The following TEX11 variants were observed in gnomAD, a reference collection of about 807,000 sequenced individuals.
TEX11 encodes the protein testis-expressed protein 11.
TEX11 carries 7 observed loss-of-function variants against 84.4 expected under a neutral mutation model. That is an observed-to-expected ratio of 0.08 (90% CI 0.05 to 0.16). The LOEUF is 0.16. Among genes scored for constraint, TEX11 ranks in the 10% least tolerant of loss-of-function variants. The pLI is 1.00. For missense variants in TEX11, 551 were observed against 660.5 expected (o/e 0.83, Z 1.82); for synonymous variants, 264 against 222.8 (o/e 1.18, Z -1.64).
chrX:70,598,425 T>C (rs2089039508), intron 24 of TEX11, among the ~76,000 whole-genome samples: 1 of 111,628 alleles, frequency 9.0e-6, no homozygotes. Context: ...GAATGTAAAA[T>C]GGTGCAGGTG....
chrX:70,824,372 T>G (rs2147824575), intron 8 of TEX11, among the ~76,000 whole-genome samples: 1 of 112,331 alleles, frequency 8.9e-6, no homozygotes, highest in African/African-American at 3.2e-5. Context: ...TTTTGGTTTT[T>G]ATTTCATCTT....
At chrX:70,572,436 A>G (rs2088613297) in intron 25 of TEX11, among the ~76,000 whole-genome samples, 1 of 111,668 alleles carries the variant, frequency 9.0e-6, no homozygotes, top group Non-Finnish European at 1.9e-5. Context: ...TGTGGAAGTC[A>G]GTGTGGCGAT....
At chrX:70,695,899 T>C (rs2090275854) in intron 13 of TEX11, among the ~76,000 whole-genome samples, 1 of 112,016 alleles carries the variant, frequency 8.9e-6, no homozygotes, top group East Asian at 2.8e-4. Flanking sequence ...ATTGTGAGAA[T>C]TCACTATGTA....
intron 20 of TEX11, among the ~76,000 whole-genome samples, chrX:70,613,053 C>T (rs751189359): frequency 8.9e-6 from 1 of 111,903 alleles, no homozygotes; most frequent in Admixed American, 9.5e-5. Context: ...GAAAATCCCA[C>T]TAACCCAGAA....
At chrX:70,848,467 C>T (rs927768725) in intron 7 of TEX11, among the ~76,000 whole-genome samples, 1 of 111,420 alleles carries the variant, frequency 9.0e-6, no homozygotes, top group African/African-American at 3.3e-5. Context: ...ACAACCCAGT[C>T]CACAATAATC....
At chrX:70,511,795 G>GAAAGA in the TEX11 span, among the ~76,000 whole-genome samples, 4 of 86,640 alleles carry the variant, frequency 4.6e-5, no homozygotes, top group African/African-American at 1.6e-4. Context: ...AAGAAAAGAA[G>GAAAGA]AAAGAAAAGA....
intron 4 of TEX11, among the ~76,000 whole-genome samples, chrX:70,866,327 A>C: frequency 9.1e-6 from 1 of 109,998 alleles, no homozygotes; most frequent in East Asian, 2.8e-4. Flanking sequence ...CACTCTCCCA[A>C]GACAAAACCA....
At chrX:70,605,538 C>T (rs780924123) in intron 23 of TEX11, 21 bp from the exon 24 acceptor site, 1 of 1,051,904 alleles carries the variant, frequency 9.5e-7, no homozygotes, top group South Asian at 2.0e-5. Context: ...GTAACCAGAA[C>T]ATCAATGAAT....
intron 28 of TEX11, among the ~76,000 whole-genome samples, chrX:70,539,038 A>ATATATATTT: frequency 2.7e-4 from 11 of 41,243 alleles, no homozygotes; most frequent in Admixed American, 1.1e-3. Flanking sequence ...ATATATATAT[A>ATATATATTT]TTTTTTTTTT....
At chrX:70,890,365 G>C (rs1445041933) in intron 2 of TEX11, among the ~76,000 whole-genome samples, 1 of 111,642 alleles carries the variant, frequency 9.0e-6, no homozygotes, top group African/African-American at 3.3e-5. Flanking sequence ...AGCCCACGGA[G>C]GGTGAGCCAA....
At chrX:70,894,391 G>C (rs188319429) in intron 2 of TEX11, among the ~76,000 whole-genome samples, 146 of 110,557 alleles carry the variant, frequency 1.3e-3, no homozygotes, top group African/African-American at 4.4e-3. Context: ...ACTTTGGGAG[G>C]CCAAGGCAAG....
intron 5 of TEX11, among the ~76,000 whole-genome samples, chrX:70,859,317 C>G (rs1239100711): frequency 1.8e-5 from 2 of 109,292 alleles, no homozygotes; most frequent in Non-Finnish European, 3.8e-5. Flanking sequence ...GTGGCTCACT[C>G]CTGTAATCCC....
At chrX:70,872,910 T>C (rs2091636719) in intron 4 of TEX11, among the ~76,000 whole-genome samples, 1 of 112,027 alleles carries the variant, frequency 8.9e-6, no homozygotes, top group South Asian at 3.7e-4. Flanking sequence ...CCATGAGAAA[T>C]AATCCATGTC....
chrX:70,711,342 T>G (rs2090431089), intron 13 of TEX11, among the ~76,000 whole-genome samples: 1 of 110,904 alleles, frequency 9.0e-6, no homozygotes, highest in Non-Finnish European at 1.9e-5. Context: ...TTTCTAGTTC[T>G]AGATCCCTGA....
intron 5 of TEX11, among the ~76,000 whole-genome samples, chrX:70,860,308 A>G (rs1475590463): frequency 8.9e-6 from 1 of 111,944 alleles, no homozygotes; most frequent in East Asian, 2.8e-4. Flanking sequence ...GTATTTACAC[A>G]TATATTTTAT....
At chrX:70,713,314 T>A (rs918614793) in intron 13 of TEX11, among the ~76,000 whole-genome samples, 15 of 111,925 alleles carry the variant, frequency 1.3e-4, no homozygotes, top group Non-Finnish European at 2.6e-4. Context: ...ATAAAGTGAG[T>A]TACGGAGGAT....
At chrX:70,784,583 A>G (rs184583117) in intron 9 of TEX11, among the ~76,000 whole-genome samples, 41 of 111,717 alleles carry the variant, frequency 3.7e-4, no homozygotes, top group African/African-American at 1.3e-3. Context: ...AGAAAACCCC[A>G]TCATCTCTGC....
chrX:70,776,293 G>A (rs1275729121), intron 9 of TEX11, among the ~76,000 whole-genome samples: 5 of 111,140 alleles, frequency 4.5e-5, no homozygotes, highest in African/African-American at 1.3e-4. Context: ...AAAAGAATAA[G>A]ATCCATGCCT....
At chrX:70,661,211 G>A (rs1279545854) in intron 16 of TEX11, among the ~76,000 whole-genome samples, 2 of 112,281 alleles carry the variant, frequency 1.8e-5, no homozygotes, top group East Asian at 5.6e-4. Flanking sequence ...TTAGCAAACG[G>A]CACACCAGGA....
Sources: allele counts gnomAD v4.1 joint callset (sites outside exome capture counted in the v4.1 genomes callset), GRCh38; gene constraint gnomAD v4.1.1; transcripts MANE v1.5; gene names NCBI Gene and HGNC (gene_info 2026-07-23, HGNC 2026-07-21).